The following B4GALT6 variants were observed in gnomAD, a reference collection of about 807,000 sequenced individuals.
B4GALT6 encodes UDP-Gal:beta-GlcNAc beta-1,4-galactosyltransferase 6.
Under a neutral mutation model 46.3 loss-of-function variants are expected in B4GALT6, and 14 were observed. That is an observed-to-expected ratio of 0.30 (90% CI 0.20 to 0.47). B4GALT6 has a LOEUF of 0.47. Ranked by LOEUF, B4GALT6 falls within the 20% of genes least tolerant of loss-of-function variation. The pLI is 0.99. For synonymous variants in B4GALT6, 168 were observed against 162.0 expected (o/e 1.04, Z -0.28); for missense variants, 386 against 480.1 (o/e 0.80, Z 1.83).
the B4GALT6 span, among the ~76,000 whole-genome samples, chr18:31,704,581 C>G: frequency 2.6e-5 from 4 of 152,240 alleles, no homozygotes; most frequent in African/African-American, 9.6e-5. Context: ...TATATAAAAT[C>G]TCTGACAAAC....
chr18:31,720,357 G>C, the B4GALT6 span, among the ~76,000 whole-genome samples: 24 of 152,376 alleles, frequency 1.6e-4, no homozygotes, highest in African/African-American at 5.8e-4. Flanking sequence ...AAGGGGCAAA[G>C]AGGTGCTGAG....
chr18:31,651,743 T>A (rs2074070649), intron 3 of B4GALT6, among the ~76,000 whole-genome samples: 1 of 152,110 alleles, frequency 6.6e-6, no homozygotes, highest in Admixed American at 6.5e-5. Flanking sequence ...CTTGTGCTTC[T>A]CCCTCATCCT....
At chr18:31,661,072 G>A (rs1162031457) in intron 2 of B4GALT6, among the ~76,000 whole-genome samples, 1 of 151,874 alleles carries the variant, frequency 6.6e-6, no homozygotes, top group Admixed American at 6.6e-5. Flanking sequence ...CAAATTGGGG[G>A]GAAAAAGAGT....
intron 4 of B4GALT6, among the ~76,000 whole-genome samples, chr18:31,639,247 T>C (rs1345874140): frequency 6.6e-6 from 1 of 152,134 alleles, no homozygotes; most frequent in Non-Finnish European, 1.5e-5. Flanking sequence ...TGGCTATCAA[T>C]TGGGCATGAA....
chr18:31,715,685 G>A, the B4GALT6 span, among the ~76,000 whole-genome samples: 2 of 151,238 alleles, frequency 1.3e-5, no homozygotes, highest in Admixed American at 6.6e-5. Flanking sequence ...TGAGTAGCTG[G>A]GATTACAGGC....
At chr18:31,677,474 G>T (rs1430266542) in intron 1 of B4GALT6, among the ~76,000 whole-genome samples, 2 of 152,186 alleles carry the variant, frequency 1.3e-5, no homozygotes, top group Non-Finnish European at 2.9e-5. Flanking sequence ...AAAGTTTCCA[G>T]TGGGCCCAAG....
chr18:31,638,706 A>C lies in B4GALT6; in HGVS notation c.526T>G (p.Leu176Val). The C allele has an allele frequency of 6.2e-7, 1 of 1,614,166 alleles. No homozygotes were observed. ...NRHEHLPIFF[L>V]HLIPMLQKQR... ...TTCTGGAGCATTGGAATCAGATGTA[A>C]GAAAAAAATTGGAAGATGTTCATGG... The change falls in exon 5 of 9, where the codon TTA becomes GTA. Residue 176 changes from leucine to valine, a missense_variant. Transcript: ENST00000306851.
chr18:31,710,814 C>CCCCACACACACACACACACA, the B4GALT6 span, among the ~76,000 whole-genome samples: 1 of 140,124 alleles, frequency 7.1e-6, no homozygotes, highest in Non-Finnish European at 1.5e-5. Context: ...CCTGAATACA[C>CCCCACACACACACACACACA]CACACACACA....
chr18:31,709,434 C>CATATATATATAT, the B4GALT6 span, among the ~76,000 whole-genome samples: 303 of 130,936 alleles, frequency 2.3e-3, 5 homozygotes, highest in African/African-American at 8.1e-3. Flanking sequence ...GCAATTCATA[C>CATATATATATAT]ATATATATAT....
At chr18:31,630,926 C>A (rs373088056) in intron 6 of B4GALT6, 33 bp downstream of exon 6, 1 of 1,600,512 alleles carries the variant, frequency 6.2e-7, no homozygotes, top group Non-Finnish European at 8.6e-7. Flanking sequence ...GCAATTATAT[C>A]GTACAATATC....
chr18:31,714,769 A>G, the B4GALT6 span, among the ~76,000 whole-genome samples: 2 of 152,182 alleles, frequency 1.3e-5, no homozygotes, highest in African/African-American at 4.8e-5. Flanking sequence ...GCAGGGTTTT[A>G]TATTCTCATA....
In B4GALT6 at chr18:31,629,391, C is replaced by A. The variant is rs1166843668; in HGVS notation, c.776+1568G>T. On this transcript the variant is annotated intron_variant, in intron 6 of 8. Transcript: ENST00000306851. ...CAACAAATTATTTAGACAACAAATT[C>A]ATTTAGAATTTAACAATAAATTAAT... Among the ~76,000 whole-genome samples, 9 of 131,696 alleles carry A rather than the reference C, an allele frequency of 6.8e-5. No individual in the cohort carries two copies. In the East Asian group the frequency reaches 7.6e-4, roughly 11 times the overall value. The allele number at this position is 131,696 out of a possible 152,430, so 86.4% of individuals were successfully genotyped here. A position where few individuals can be genotyped will look rare whatever the true frequency, so the allele number is the denominator to read the frequency against.
At chr18:31,718,921 A>G in the B4GALT6 span, 1 of 152,176 alleles carries the variant, frequency 6.6e-6, no homozygotes, top group African/African-American at 2.4e-5. Flanking sequence ...GCTGTGACAT[A>G]TGTCACCCCA....
chr18:31,724,442 C>T, the B4GALT6 span: 2 of 1,035,236 alleles, frequency 1.9e-6, no homozygotes, highest in Non-Finnish European at 2.3e-6. Context: ...CGCGAATCGC[C>T]GCCATGAGCT....
chr18:31,688,580 T>C (rs2030009286), upstream of B4GALT6, among the ~76,000 whole-genome samples: 1 of 152,150 alleles, frequency 6.6e-6, no homozygotes, highest in Non-Finnish European at 1.5e-5. Flanking sequence ...CCCAAATTTC[T>C]TACTAATCTC....
chr18:31,630,427 T>A lies in B4GALT6; in HGVS notation c.776+532A>T, dbSNP rs557220495. Among the ~76,000 whole-genome samples the A allele has an allele frequency of 4.9e-4, 75 of 151,942 alleles. No individual in the cohort carries two copies. In the South Asian group the frequency reaches 5.4e-3, roughly 11 times the overall value. ...AAGGAAAAGATTTGGGTTTTTTTTT[T>A]TTATTATTAAAGGGCAGGTCAAGAA... On this transcript the variant is annotated intron_variant, in intron 6 of 8. Coordinates refer to ENST00000306851, the MANE Select transcript of B4GALT6 (RefSeq NM_004775.5).
At chr18:31,689,869 T>C (rs1393244754), upstream of B4GALT6, among the ~76,000 whole-genome samples, 1 of 152,196 alleles carries the variant, frequency 6.6e-6, no homozygotes, top group Non-Finnish European at 1.5e-5. Context: ...TTAGGTATTG[T>C]GCATACCAGC....
intron 4 of B4GALT6, among the ~76,000 whole-genome samples, chr18:31,642,549 T>C (rs2073942788): frequency 1.3e-5 from 2 of 152,370 alleles, no homozygotes; most frequent in African/African-American, 2.4e-5. Context: ...GGAAAGTCAA[T>C]GTCACAGGTA....
intron 5 of B4GALT6, among the ~76,000 whole-genome samples, chr18:31,636,854 C>G (rs2073865047): frequency 6.6e-6 from 1 of 152,182 alleles, no homozygotes; most frequent in Admixed American, 6.5e-5. Flanking sequence ...TACAGTCTCG[C>G]TCTGCCGCCC....
Sources: allele counts gnomAD v4.1 joint callset (sites outside exome capture counted in the v4.1 genomes callset), GRCh38; gene constraint gnomAD v4.1.1; transcripts MANE v1.5; gene names NCBI Gene and HGNC (gene_info 2026-07-23, HGNC 2026-07-21).